The following TPD52 variants were observed in gnomAD, a reference collection of about 807,000 sequenced individuals.
The protein encoded by TPD52 is tumor protein D52, also known as prostate and colon associated protein.
In TPD52, 17 loss-of-function variants were observed where a neutral mutation model predicts 31.3. The observed-to-expected ratio is 0.54, with a 90% confidence interval of 0.37 to 0.82. The LOEUF is 0.82. Ranked by LOEUF, TPD52 falls within the 40% of genes least tolerant of loss-of-function variation. TPD52 has a pLI of 0.00. For synonymous variants in TPD52, 83 were observed against 89.6 expected (o/e 0.93, Z 0.42); for missense variants, 212 against 240.1 (o/e 0.88, Z 0.77).
intron 1 of TPD52, among the ~76,000 whole-genome samples, chr8:80,164,077 G>C (rs997131772): frequency 6.7e-6 from 1 of 149,936 alleles, no homozygotes; most frequent in African/African-American, 2.4e-5. Context: ...AAAGGGGAAA[G>C]GGGGGAGGAG....
At chr8:80,039,235 T>C (rs1250276200) in intron 7 of TPD52, among the ~76,000 whole-genome samples, 2 of 152,226 alleles carry the variant, frequency 1.3e-5, no homozygotes, top group African/African-American at 2.4e-5. Context: ...AACACATTCC[T>C]TAATTATAGT....
At chr8:80,092,138 C>T (rs576040734) in intron 1 of TPD52, among the ~76,000 whole-genome samples, 4 of 152,256 alleles carry the variant, frequency 2.6e-5, no homozygotes, top group African/African-American at 4.8e-5. Context: ...TCTATCACCT[C>T]GAGTATTCGT....
intron 1 of TPD52, among the ~76,000 whole-genome samples, chr8:80,136,402 T>C (rs1250992932): frequency 6.6e-6 from 1 of 150,432 alleles, no homozygotes; most frequent in African/African-American, 2.4e-5. Flanking sequence ...TGGGCACCTG[T>C]AGTCCCAGCT....
chr8:80,075,815 A>C lies in TPD52; in HGVS notation c.20-11222T>G, dbSNP rs565925920. Among the ~76,000 whole-genome samples, 95 of 152,322 alleles carry C rather than the reference A, an allele frequency of 6.2e-4. No individual in the cohort carries two copies. The South Asian group carries it at 0.012, about 19-fold the overall frequency. On this transcript the variant is annotated intron_variant, in intron 1 of 7. Transcript: ENST00000518937. ...TTCTACATCTCTTCAATTTGACTCCAGTTTTTATTTTGTAAACCACAGCCA... is the reference window on the plus strand; with the variant it reads ...TTCTACATCTCTTCAATTTGACTCCCGTTTTTATTTTGTAAACCACAGCCA...
intron 1 of TPD52, among the ~76,000 whole-genome samples, chr8:80,097,789 A>G (rs1487099607): frequency 6.6e-6 from 1 of 152,240 alleles, no homozygotes; most frequent in Non-Finnish European, 1.5e-5. Flanking sequence ...CAGATTGTCT[A>G]TGTAAATGAA....
rs1809791143 is a variant in TPD52 at position 80,034,766 on chromosome 8, C to G, written c.*3350G>C. On this transcript the variant is annotated 3_prime_UTR_variant, in exon 8 of 8. Coordinates refer to ENST00000518937, the MANE Select transcript of TPD52 (RefSeq NM_001025253.3). ...TCCATTTACAAATATTCAAACAAAA[C>G]TGTATTTGGCTTTTTCTATATGATA... The G allele has an allele frequency of 6.6e-6, 1 of 152,086 alleles. No homozygotes were observed. Among genetic ancestry groups the G allele is most frequent in the Admixed American group, 6.5e-5 (1 of 15,278 alleles). The allele number at this position is 152,086 out of a possible 1,614,324, so 9.4% of individuals were successfully genotyped here. A position where few individuals can be genotyped will look rare whatever the true frequency, so the allele number is the denominator to read the frequency against.
At chr8:80,119,522 A>ACAGT (rs774424367) in intron 1 of TPD52, among the ~76,000 whole-genome samples, 5 of 152,202 alleles carry the variant, frequency 3.3e-5, no homozygotes, top group Admixed American at 1.3e-4. Flanking sequence ...TAGTACATGG[A>ACAGT]CAGTTTTCTG....
intron 1 of TPD52, 61 bp downstream of exon 1, chr8:80,171,362 CAA>C: frequency 6.3e-7 from 1 of 1,583,714 alleles, no homozygotes; most frequent in Non-Finnish European, 8.6e-7. Context: ...CGCGCCGAGC[CAA>C]AGCCCGAGTC....
chr8:80,064,376 C>A, intron 2 of TPD52, 102 bp downstream of exon 2: 1 of 928,926 alleles, frequency 1.1e-6, no homozygotes. Context: ...TGCTTTCTCT[C>A]CCCTGGAACT....
chr8:80,119,847 C>G (rs183436169), intron 1 of TPD52: 3 of 418,208 alleles, frequency 7.2e-6, no homozygotes, highest in Non-Finnish European at 1.4e-5. Flanking sequence ...ATAAATCTTT[C>G]CCTAATTCAA....
chr8:80,153,363 A>G (rs1199803296), intron 1 of TPD52, among the ~76,000 whole-genome samples: 1 of 152,174 alleles, frequency 6.6e-6, no homozygotes, highest in African/African-American at 2.4e-5. Flanking sequence ...TTGGAAGGAA[A>G]AACTATTTCC....
chr8:80,152,514 C>A (rs1194577388), intron 1 of TPD52, among the ~76,000 whole-genome samples: 1 of 152,146 alleles, frequency 6.6e-6, no homozygotes, highest in African/African-American at 2.4e-5. Context: ...GGAGCGGTGG[C>A]TCATGCCTGT....
rs1472914753 is a variant in TPD52, at chr8:80,037,753, T to C, written c.*363A>G. 1.8e-5 allele frequency: 3 copies of C among 164,096 alleles called. No homozygotes were observed. The highest frequency in any genetic ancestry group is 7.2e-5 in the African/African-American group (3 of 41,846). The allele number at this position is 164,096 out of a possible 1,614,324, so 10.2% of individuals were successfully genotyped here. A position where few individuals can be genotyped will look rare whatever the true frequency, so the allele number is the denominator to read the frequency against. On this transcript the variant is annotated 3_prime_UTR_variant, in exon 8 of 8. Transcript: ENST00000518937. The stretch of plus-strand genomic sequence containing the variant: ...ATTCAAAGAGGGGAAAAAAAGGAAA[T>C]ATTATAGAAGACAAAGGTCAAACTG...
chr8:80,116,400 T>G (rs1351128046), intron 1 of TPD52, among the ~76,000 whole-genome samples: 1 of 152,190 alleles, frequency 6.6e-6, no homozygotes, highest in Non-Finnish European at 1.5e-5. Flanking sequence ...ACAGATTGGT[T>G]AGCTTAGATG....
intron 1 of TPD52, among the ~76,000 whole-genome samples, chr8:80,074,849 G>C (rs1171426757): frequency 6.6e-6 from 1 of 152,120 alleles, no homozygotes; most frequent in East Asian, 1.9e-4. Flanking sequence ...TAAAACCTTA[G>C]GGGGAAAACG....
At chr8:80,092,965 T>C (rs1816403630) in intron 1 of TPD52, among the ~76,000 whole-genome samples, 1 of 152,160 alleles carries the variant, frequency 6.6e-6, no homozygotes, top group Non-Finnish European at 1.5e-5. Flanking sequence ...ATGGTACAGA[T>C]GGTAAATTAT....
intron 5 of TPD52, among the ~76,000 whole-genome samples, chr8:80,048,235 A>G (rs1371605074): frequency 6.6e-6 from 1 of 152,156 alleles, no homozygotes; most frequent in Non-Finnish European, 1.5e-5. Context: ...ATTTCCTTAT[A>G]CATCTCCCTC....
intron 1 of TPD52, among the ~76,000 whole-genome samples, chr8:80,091,686 G>A (rs1212912670): frequency 7.0e-6 from 1 of 142,876 alleles, no homozygotes; most frequent in Non-Finnish European, 1.5e-5. Context: ...ACATACTGAT[G>A]GGTGATTCCA....
chr8:80,146,481 A>T (rs1810203183), intron 1 of TPD52, among the ~76,000 whole-genome samples: 1 of 152,242 alleles, frequency 6.6e-6, no homozygotes, highest in East Asian at 1.9e-4. Flanking sequence ...CAGCTTAGGC[A>T]GAGAATAAAA....
Sources: gnomAD v4.1 joint callset for allele counts (sites outside exome capture counted in the v4.1 genomes callset) on GRCh38, gnomAD v4.1.1 for gene constraint, MANE v1.5 for transcripts, NCBI Gene and HGNC (gene_info 2026-07-23, HGNC 2026-07-21) for gene names.